CADM3: variants seen among roughly 807,000 people sequenced by gnomAD.
CADM3 encodes cell adhesion molecule 3, also known as TSLC1-like 1.
A neutral mutation model predicts 44.9 loss-of-function variants in CADM3; 11 were observed. That is an observed-to-expected ratio of 0.25 (90% CI 0.15 to 0.41). The LOEUF is 0.41. Ranked by LOEUF, CADM3 falls within the 10% of genes least tolerant of loss-of-function variation. The pLI, the probability that CADM3 is intolerant of heterozygous loss-of-function variation, is 1.00. For missense variants in CADM3, 426 were observed against 512.0 expected, an observed-to-expected ratio of 0.83 and a Z score of 1.62; for synonymous variants, 207 against 205.2, an observed-to-expected ratio of 1.01 and a Z score of -0.08.
chr1:159,191,317 C>T (rs1269936334), intron 1 of CADM3, among the ~76,000 whole-genome samples: 1 of 152,130 alleles, frequency 6.6e-6, no homozygotes, highest in African/African-American at 2.4e-5. Context: ...GGGGAATATG[C>T]TAAGGGCCTT....
Position 159,200,918 on chromosome 1 carries a change from T to C in CADM3, c.1193T>C (p.Ile398Thr), listed in dbSNP as rs764579040. 42 of 1,598,160 alleles carry C rather than the reference T, an allele frequency of 2.6e-5. No homozygotes were observed. The highest frequency in any genetic ancestry group is 3.2e-5 in the Non-Finnish European group (38 of 1,172,112). The change falls in exon 9 of 9, where the codon ATC becomes ACC. Residue 398 changes from isoleucine to threonine, a missense_variant. Ile to Thr is a moderately conservative substitution (Grantham distance 89). This residue lies in a region of CADM3 where 362 missense variants were observed against 474.6 expected (regional missense o/e 0.76). Transcript: ENST00000368125. ...SGGDDKKEYF[I>T] ...GGGGACGACAAGAAGGAATATTTCA[T>C]CTAGAGGCGCCTGCCCACTTCCTGC...
At position 159,192,567 on chromosome 1, in the gene CADM3, G is replaced by C. The variant is rs1211871838; in HGVS notation, c.230-11G>C. 1.2e-6 allele frequency: 2 copies of C among 1,614,022 alleles called. No individual in the cohort carries two copies. Among genetic ancestry groups the C allele is most frequent in the African/African-American group, 1.3e-5 (1 of 74,996 alleles). The stretch of plus-strand genomic sequence containing the variant: ...TAAAATCCTAGCTTTCCATTCTCTT[G>C]ATTTCCCCAGCCCTTCGAGATAATC... On this transcript the variant is annotated splice_polypyrimidine_tract_variant and intron_variant, in intron 2 of 8. Coordinates refer to ENST00000368125, the MANE Select transcript of CADM3 (RefSeq NM_001127173.3).
chr1:159,180,264 T>C (rs1571007334), intron 1 of CADM3, among the ~76,000 whole-genome samples: 1 of 152,134 alleles, frequency 6.6e-6, no homozygotes, highest in African/African-American at 2.4e-5. Flanking sequence ...AATCTGTGTG[T>C]TCATGTCAGA....
At chr1:159,191,421 C>T (rs558024090) in intron 1 of CADM3, among the ~76,000 whole-genome samples, 1 of 152,366 alleles carries the variant, frequency 6.6e-6, no homozygotes, top group South Asian at 2.1e-4. Context: ...TTTCTACCAG[C>T]TACCTCTTGT....
intron 6 of CADM3, 62 bp downstream of exon 6, chr1:159,196,516 C>G: frequency 7.7e-7 from 1 of 1,305,528 alleles, no homozygotes. Context: ...GCCTTCTTCA[C>G]ATAACAGCTC....
At chr1:159,185,625 G>A (rs1435037745) in intron 1 of CADM3, among the ~76,000 whole-genome samples, 5 of 152,150 alleles carry the variant, frequency 3.3e-5, no homozygotes, top group African/African-American at 1.2e-4. Flanking sequence ...CAACTAATTT[G>A]GATCCTGACA....
At chr1:159,185,482 G>C (rs896669197) in intron 1 of CADM3, among the ~76,000 whole-genome samples, 3 of 152,178 alleles carry the variant, frequency 2.0e-5, no homozygotes, top group African/African-American at 7.2e-5. Flanking sequence ...GGTCAGAGAG[G>C]TCTAAGTTTA....
intron 1 of CADM3, among the ~76,000 whole-genome samples, chr1:159,177,070 T>C (rs1649046504): frequency 6.6e-6 from 1 of 152,184 alleles, no homozygotes; most frequent in Non-Finnish European, 1.5e-5. Context: ...TGCATCCTAC[T>C]GTCTCTGAGG....
intron 5 of CADM3, chr1:159,195,771 A>G (rs1353437201): frequency 6.6e-6 from 1 of 152,326 alleles, no homozygotes; most frequent in Admixed American, 6.5e-5. Context: ...TAGCCTCCTA[A>G]GCAGCCCTTC....
chr1:159,196,494 C>T (rs760806925), intron 6 of CADM3, 40 bp downstream of exon 6: 2 of 1,528,748 alleles, frequency 1.3e-6, no homozygotes, highest in Admixed American at 1.7e-5. Flanking sequence ...TTACTCTCCA[C>T]ATTCTCAGAT....
At chr1:159,191,873 G>A (rs1194750832) in intron 1 of CADM3, 63 bp from the exon 2 acceptor site, 1 of 1,599,920 alleles carries the variant, frequency 6.3e-7, no homozygotes, top group Non-Finnish European at 8.5e-7. Context: ...GGTGTACTTT[G>A]GCTCAGAAAT....
At chr1:159,190,232 G>T (rs1649592407) in intron 1 of CADM3, among the ~76,000 whole-genome samples, 1 of 152,174 alleles carries the variant, frequency 6.6e-6, no homozygotes, top group Non-Finnish European at 1.5e-5. Flanking sequence ...TTGGCACGTG[G>T]CTATGGTAAA....
chr1:159,172,408 AGG>A (rs1312694828), intron 1 of CADM3, among the ~76,000 whole-genome samples: 1 of 151,988 alleles, frequency 6.6e-6, no homozygotes, highest in African/African-American at 2.4e-5. Context: ...TGGGCAGAGA[AGG>A]GGGCCTGGGT....
chr1:159,193,620 CCTGT>C (rs754670176), intron 4 of CADM3, 60 bp downstream of exon 4: 2 of 1,608,076 alleles, frequency 1.2e-6, no homozygotes, highest in South Asian at 2.2e-5. Context: ...GAGAGAAGTG[CCTGT>C]CTGTGAACGT....
chr1:159,180,710 T>C (rs921668153), intron 1 of CADM3, among the ~76,000 whole-genome samples: 1 of 152,102 alleles, frequency 6.6e-6, no homozygotes, highest in Non-Finnish European at 1.5e-5. Flanking sequence ...CTCCTAACCA[T>C]TGCCCTGAAC....
At chr1:159,191,514 G>C (rs1184753254) in intron 1 of CADM3, among the ~76,000 whole-genome samples, 2 of 152,158 alleles carry the variant, frequency 1.3e-5, no homozygotes, top group Non-Finnish European at 2.9e-5. Context: ...TGCTTCTCCT[G>C]TTCTTGTTCT....
At chr1:159,179,193 A>T (rs1048295716) in intron 1 of CADM3, among the ~76,000 whole-genome samples, 1 of 152,182 alleles carries the variant, frequency 6.6e-6, no homozygotes, top group Non-Finnish European at 1.5e-5. Context: ...TTCAGCACAT[A>T]TATCATTCTT....
At chr1:159,175,854 G>C (rs1191174780) in intron 1 of CADM3, among the ~76,000 whole-genome samples, 1 of 152,188 alleles carries the variant, frequency 6.6e-6, no homozygotes, top group Non-Finnish European at 1.5e-5. Flanking sequence ...TTGGCGTTCT[G>C]GTTACTTTGA....
chr1:159,173,748 G>A (rs1471032306), intron 1 of CADM3, among the ~76,000 whole-genome samples: 3 of 152,160 alleles, frequency 2.0e-5, no homozygotes, highest in Non-Finnish European at 4.4e-5. Flanking sequence ...CAACTGTTCA[G>A]CAATGGGAAC....
Sources: gnomAD v4.1 joint callset for allele counts (sites outside exome capture counted in the v4.1 genomes callset) on GRCh38, gnomAD v4.1.1 for gene constraint, gnomAD v4.1.1 regional missense constraint, MANE v1.5 for transcripts, NCBI Gene and HGNC (gene_info 2026-07-23, HGNC 2026-07-21) for gene names.